AHDC1: variants seen among roughly 807,000 people sequenced by gnomAD.
The protein encoded by AHDC1 is AT-hook DNA binding motif containing 1.
AHDC1 carries 7 observed loss-of-function variants against 87.9 expected under a neutral mutation model. The ratio of observed to expected loss-of-function variants is 0.08; its 90% confidence interval spans 0.05 to 0.15. The LOEUF is 0.15. AHDC1 is among the 10% of genes least tolerant of loss of function. AHDC1 has a pLI of 1.00. For synonymous variants in AHDC1, 1,051 were observed against 1,006.8 expected (o/e 1.04, Z -0.83); for missense variants, 1,841 against 2,253.2 (o/e 0.82, Z 3.70).
rs1337986126 is a variant in AHDC1 at position 27,550,157 on chromosome 1, C to T, written c.1959G>A (p.Gln653=). 1.9e-6 allele frequency: 3 copies of T among 1,611,092 alleles called. No homozygotes were observed. The Admixed American group carries it at 5.0e-5, about 27-fold the overall frequency. The change falls in exon 8 of 9, where the codon CAG becomes CAA. Residue 653 remains glutamine (Q), a synonymous_variant. Coordinates refer to ENST00000673934, the MANE Select transcript of AHDC1 (RefSeq NM_001371928.1). ...CACGATGCAGGAAGTGGGAGATGCT[C>T]TGGGTGTCGGGGGCCTGGTGCACCG... ...PESVHQAPDT[Q]SISHFLHRVQ...
At position 27,549,944 on chromosome 1, in the gene AHDC1, G is replaced by C; in HGVS notation, c.2172C>G (p.Arg724=). The change falls in exon 8 of 9, where the codon CGC becomes CGG. Residue 724 remains arginine (R), a synonymous_variant. Transcript: ENST00000673934. The part of the protein sequence containing the change: ...GPGLTELGHP[R]KRGRGEVDAV... ...CGTCTACCTCCCCCCGGCCCCGTTTGCGTGGGTGCCCCAACTCAGTAAGGC... is the reference window on the plus strand; with the variant it reads ...CGTCTACCTCCCCCCGGCCCCGTTTCCGTGGGTGCCCCAACTCAGTAAGGC... The C allele has an allele frequency of 6.2e-7, 1 of 1,613,044 alleles. No homozygotes were observed. The highest frequency in any genetic ancestry group is 8.5e-7 in the Non-Finnish European group (1 of 1,179,648).
chr1:27,537,140 C>T (rs930534851), intron 8 of AHDC1, among the ~76,000 whole-genome samples: 39 of 152,142 alleles, frequency 2.6e-4, no homozygotes, highest in African/African-American at 9.2e-4. Flanking sequence ...CCAAAAGCCC[C>T]AGGGTTCTCT....
rs1310346356 is a variant in AHDC1, at chr1:27,595,109, A to G, written c.-629+8288T>C. Among the ~76,000 whole-genome samples the G allele has an allele frequency of 6.6e-6, 1 of 152,006 alleles. No homozygotes were observed. Among genetic ancestry groups the G allele is most frequent in the Non-Finnish European group, 1.5e-5 (1 of 67,990 alleles). On this transcript the variant is annotated intron_variant, in intron 3 of 8. Coordinates refer to ENST00000673934, the MANE Select transcript of AHDC1 (RefSeq NM_001371928.1). The surrounding 1 kb of genome is among the most constrained non-coding windows in gnomAD (Gnocchi z 4.0). ...AGCTTCGGGGCCTGATCTGTTAGAG[A>G]TATACTAGAACCGAAGCCATGTCTG...
In AHDC1 at chr1:27,534,429, C is replaced by G. The variant is rs1200313168; in HGVS notation, c.*531G>C. ...AAGCTCCCGCAAGAGGTTCTTCTCCCTCCCCCCCACCATGCGAATTTGCAC... is the reference window on the plus strand; with the variant it reads ...AAGCTCCCGCAAGAGGTTCTTCTCCGTCCCCCCCACCATGCGAATTTGCAC... On this transcript the variant is annotated 3_prime_UTR_variant, in exon 9 of 9. Coordinates refer to ENST00000673934, the MANE Select transcript of AHDC1 (RefSeq NM_001371928.1). 1 of 151,888 alleles carries G rather than the reference C, an allele frequency of 6.6e-6. No homozygotes were observed. Among genetic ancestry groups the G allele is most frequent in the African/African-American group, 2.4e-5 (1 of 41,342 alleles). 9.4% of individuals were successfully genotyped at this position (151,888 alleles called of 1,614,324 possible).
chr1:27,604,169 T>A, upstream of AHDC1: 1 of 153,232 alleles, frequency 6.5e-6, no homozygotes, highest in Non-Finnish European at 1.5e-5. Context: ...CCTTCGCCGC[T>A]CACCATCCGG....
At chr1:27,568,694 C>G (rs901983949) in intron 3 of AHDC1, among the ~76,000 whole-genome samples, 1 of 151,800 alleles carries the variant, frequency 6.6e-6, no homozygotes, top group African/African-American at 2.4e-5. Flanking sequence ...CGGACCCTTT[C>G]CCCCGGCCGC....
chr1:27,580,856 G>A (rs574790210), intron 3 of AHDC1, among the ~76,000 whole-genome samples: 2 of 151,636 alleles, frequency 1.3e-5, no homozygotes, highest in East Asian at 3.9e-4. Flanking sequence ...TTTTTTTTGA[G>A]ATGGAGTCTC....
At chr1:27,604,151 T>C (rs2089620168), upstream of AHDC1, 1 of 154,412 alleles carries the variant, frequency 6.5e-6, no homozygotes, top group African/African-American at 2.4e-5. Flanking sequence ...CTCTGCGAGC[T>C]CGCCTTACCT....
At chr1:27,589,527 T>G (rs1275928921) in intron 3 of AHDC1, among the ~76,000 whole-genome samples, 1 of 152,190 alleles carries the variant, frequency 6.6e-6, no homozygotes, top group African/African-American at 2.4e-5. Flanking sequence ...TGTGGGTCCA[T>G]GCGGCCTTGG....
chr1:27,556,900 C>G (rs956225669), intron 5 of AHDC1, among the ~76,000 whole-genome samples: 1 of 152,080 alleles, frequency 6.6e-6, no homozygotes, highest in African/African-American at 2.4e-5. Flanking sequence ...AGATGCACTA[C>G]TCTCCCTCGC....
chr1:27,545,064 C>T (rs1177830830), intron 8 of AHDC1, among the ~76,000 whole-genome samples: 1 of 152,016 alleles, frequency 6.6e-6, no homozygotes, highest in African/African-American at 2.4e-5. Context: ...GTTCTTCCCC[C>T]TCCCCGCCAG....
At position 27,562,199 on chromosome 1, in the gene AHDC1, G is replaced by A. The variant is rs1195755223; in HGVS notation, c.-628-3316C>T. ...GGATGTGTGGGCAGGGGGAGTGGAC[G>A]CGCCCAAGCTGGCTCGGCGGGGGCG... On this transcript the variant is annotated intron_variant, in intron 3 of 8. Transcript: ENST00000673934. This position sits in a 1 kb window ranked among gnomAD's most constrained non-coding sequence, Gnocchi z 4.4. 6.6e-6 allele frequency among the ~76,000 whole-genome samples: 1 copy of A among 152,092 alleles called. No individual in the cohort carries two copies. Among genetic ancestry groups the A allele is most frequent in the African/African-American group, 2.4e-5 (1 of 41,388 alleles).
intron 8 of AHDC1, among the ~76,000 whole-genome samples, chr1:27,546,490 G>C (rs17357586): frequency 0.059 from 8,941 of 152,300 alleles, 358 homozygotes; most frequent in Middle Eastern, 0.11. Context: ...GGCTTTTCTA[G>C]GGTCAAAATA....
At chr1:27,535,477 G>A (rs191975475) in intron 8 of AHDC1, among the ~76,000 whole-genome samples, 21 of 152,304 alleles carry the variant, frequency 1.4e-4, no homozygotes, top group African/African-American at 2.6e-4. Flanking sequence ...GTCATGATGA[G>A]TTTAGTAATT....
rs979509177 is a variant in AHDC1 at position 27,562,688 on chromosome 1, C to T, written c.-628-3805G>A. Among the ~76,000 whole-genome samples, 1 of 152,214 alleles carries T rather than the reference C, an allele frequency of 6.6e-6. No homozygotes were observed. The highest frequency in any genetic ancestry group is 1.5e-5 in the Non-Finnish European group (1 of 68,034). On this transcript the variant is annotated intron_variant, in intron 3 of 8. Coordinates refer to ENST00000673934, the MANE Select transcript of AHDC1 (RefSeq NM_001371928.1). The surrounding 1 kb of genome is among the most constrained non-coding windows in gnomAD (Gnocchi z 4.4). ...CCTCTGCTCAGGGCCCTAAGCATTTCCTCTGGCCAGCCCTTTGGGGCTCTG... is the reference window on the plus strand; with the variant it reads ...CCTCTGCTCAGGGCCCTAAGCATTTTCTCTGGCCAGCCCTTTGGGGCTCTG...
chr1:27,564,192 GGCCAAGA>G (rs1195665470), intron 3 of AHDC1, among the ~76,000 whole-genome samples: 1 of 152,208 alleles, frequency 6.6e-6, no homozygotes, highest in Non-Finnish European at 1.5e-5. Context: ...TGGTGAGGGA[GGCCAAGA>G]GCCAAGAGGC....
intron 3 of AHDC1, among the ~76,000 whole-genome samples, chr1:27,577,879 C>T (rs901580478): frequency 6.6e-6 from 1 of 152,196 alleles, no homozygotes; most frequent in Non-Finnish European, 1.5e-5. Context: ...GAGGCCAGAG[C>T]CCCAACAGAG....
rs1459771865 is a variant in AHDC1, at chr1:27,551,537, G to A, written c.579C>T (p.Pro193=). The part of the protein sequence containing the change: ...RATPHAKSER[P]SHPLYEPEPE... ...GCTCAGGCTCGTAGAGGGGATGGCT[G>A]GGCCGCTCCGACTTGGCGTGTGGGG... The change falls in exon 8 of 9, where the codon CCC becomes CCT. Residue 193 remains proline, a synonymous_variant. Coordinates refer to ENST00000673934, the MANE Select transcript of AHDC1 (RefSeq NM_001371928.1). The A allele has an allele frequency of 1.2e-6, 2 of 1,605,446 alleles. No homozygotes were observed. The highest frequency in any genetic ancestry group is 1.7e-5 in the Admixed American group (1 of 59,784).
At chr1:27,596,674 C>T (rs2089380895) in intron 3 of AHDC1, among the ~76,000 whole-genome samples, 1 of 152,122 alleles carries the variant, frequency 6.6e-6, no homozygotes, top group East Asian at 1.9e-4. Flanking sequence ...TTCCCACATG[C>T]ATGCCTGCCA....
Sources: allele counts gnomAD v4.1 joint callset (sites outside exome capture counted in the v4.1 genomes callset), GRCh38; gene constraint gnomAD v4.1.1; non-coding constraint Gnocchi (gnomAD v3.1); transcripts MANE v1.5; gene names NCBI Gene and HGNC (gene_info 2026-07-23, HGNC 2026-07-21).